Variants in RAB14 observed in about 807,000 individuals in gnomAD.
The protein encoded by RAB14 is RAB14, member RAS oncogene family, also known as ras-related protein Rab-14.
Under a neutral mutation model 31.1 loss-of-function variants are expected in RAB14, and 3 were observed. The observed-to-expected ratio is 0.10, with a 90% confidence interval of 0.04 to 0.25. RAB14 has a LOEUF of 0.25. Ranked by LOEUF, RAB14 falls within the 10% of genes least tolerant of loss-of-function variation. The pLI is 1.00. For synonymous variants in RAB14, 85 were observed against 84.9 expected (o/e 1.00, Z 0.00); for missense variants, 111 against 260.1 (o/e 0.43, Z 3.94).
chr9:121,192,335 A>G (rs1207783982), intron 2 of RAB14, 111 bp from the exon 3 acceptor site: 4 of 674,276 alleles, frequency 5.9e-6, no homozygotes, highest in Non-Finnish European at 9.3e-6. Flanking sequence ...ACACTTAACA[A>G]ATTTTTATTT....
chr9:121,192,285 G>A (rs1055773728), intron 2 of RAB14, 61 bp from the exon 3 acceptor site: 17 of 1,266,316 alleles, frequency 1.3e-5, no homozygotes, highest in East Asian at 2.4e-5. Flanking sequence ...TGCAATGATC[G>A]CTATATTCCT....
At chr9:121,192,677 T>G (rs890644095) in intron 2 of RAB14, among the ~76,000 whole-genome samples, 1 of 152,122 alleles carries the variant, frequency 6.6e-6, no homozygotes, top group Non-Finnish European at 1.5e-5. Context: ...CTTCTTGTAT[T>G]ATTCTATGAA....
intron 1 of RAB14, among the ~76,000 whole-genome samples, chr9:121,198,599 G>GT (rs1456860139): frequency 3.3e-5 from 5 of 152,038 alleles, no homozygotes; most frequent in African/African-American, 9.7e-5. Flanking sequence ...TTTTTTGTTT[G>GT]TTTTTTAACA....
At chr9:121,197,075 T>C (rs966728359) in intron 1 of RAB14, among the ~76,000 whole-genome samples, 2 of 152,150 alleles carry the variant, frequency 1.3e-5, no homozygotes, top group African/African-American at 2.4e-5. Context: ...TCTAAGGTAT[T>C]ATTAGCTTAT....
intron 5 of RAB14, 74 bp from the exon 6 acceptor site, chr9:121,183,472 C>T: frequency 5.0e-6 from 6 of 1,194,716 alleles, no homozygotes; most frequent in Non-Finnish European, 7.2e-6. Flanking sequence ...ATTCTGAAAT[C>T]CAAAAATCTT....
Position 121,180,270 on chromosome 9 carries a change from T to A in RAB14, c.*1126A>T, listed in dbSNP as rs1299103951. On this transcript the variant is annotated 3_prime_UTR_variant, in exon 8 of 8. Transcript: ENST00000373840. ...GACTGTCCAGTTCAGAATCTGACCA[T>A]TCCAAGAAGATAAAGGTATAAAAGC... The A allele has an allele frequency of 6.6e-6, 1 of 152,650 alleles. No homozygotes were observed. The highest frequency in any genetic ancestry group is 1.5e-5 in the Non-Finnish European group (1 of 68,036). The allele number at this position is 152,650 out of a possible 1,614,324, so 9.5% of individuals were successfully genotyped here.
chr9:121,198,059 ATAT>A (rs2053728515), intron 1 of RAB14, among the ~76,000 whole-genome samples: 1 of 152,018 alleles, frequency 6.6e-6, no homozygotes, highest in African/African-American at 2.4e-5. Flanking sequence ...CCCTATATTC[ATAT>A]AATATGGAAT....
intron 7 of RAB14, among the ~76,000 whole-genome samples, 171 bp from the exon 8 acceptor site, chr9:121,181,744 C>CTTTTTTT (rs3838268): frequency 4.9e-5 from 5 of 102,900 alleles, no homozygotes; most frequent in Admixed American, 1.4e-4. Flanking sequence ...AACTATTTTC[C>CTTTTTTT]TTTTTTTTTT....
At chr9:121,182,840 G>A (rs1426114712) in intron 7 of RAB14, 90 bp downstream of exon 7, 9 of 994,150 alleles carry the variant, frequency 9.1e-6, no homozygotes, top group Middle Eastern at 3.3e-4. Flanking sequence ...TACTTTATAT[G>A]TGTATATACA....
intron 1 of RAB14, among the ~76,000 whole-genome samples, chr9:121,201,157 C>T (rs1261500274): frequency 6.6e-6 from 1 of 152,176 alleles, no homozygotes; most frequent in Non-Finnish European, 1.5e-5. Flanking sequence ...GAAGAGCTGC[C>T]TTTGTACTCA....
intron 4 of RAB14, among the ~76,000 whole-genome samples, chr9:121,189,239 ATGACT>A (rs966052956): frequency 1.3e-5 from 2 of 152,012 alleles, no homozygotes; most frequent in Non-Finnish European, 2.9e-5. Context: ...ACTTTTTTTG[ATGACT>A]TGAATAGACA....
chr9:121,182,753 T>C (rs1328080560), intron 7 of RAB14, among the ~76,000 whole-genome samples, 177 bp downstream of exon 7: 1 of 152,264 alleles, frequency 6.6e-6, no homozygotes, highest in African/African-American at 2.4e-5. Flanking sequence ...AAATTCATAT[T>C]ATTTTGAAAT....
chr9:121,181,360 T>G lies in RAB14; in HGVS notation c.*36A>C. The G allele has an allele frequency of 6.6e-7, 1 of 1,524,814 alleles. No individual in the cohort carries two copies. The highest frequency in any genetic ancestry group is 2.3e-5 in the East Asian group (1 of 43,352). 94.5% of individuals were successfully genotyped at this position (1,524,814 alleles called of 1,614,324 possible). On this transcript the variant is annotated 3_prime_UTR_variant, in exon 8 of 8. Transcript: ENST00000373840. ...AAGTACTGCTTCCAACAGACAGAGG[T>G]GAAAGGTCAAATGAGGGGCCACAGC...
chr9:121,193,970 T>C (rs964732273), intron 1 of RAB14, among the ~76,000 whole-genome samples: 16 of 152,162 alleles, frequency 1.1e-4, no homozygotes, highest in African/African-American at 3.6e-4. Context: ...AATCGTATGA[T>C]TTCCAAATCA....
Position 121,188,091 on chromosome 9 carries a change from ACAT to A in RAB14, c.285-1075_285-1073del, listed in dbSNP as rs1289743824. On this transcript the variant is annotated intron_variant, in intron 4 of 7. Transcript: ENST00000373840. ...TCCTTAGTCAGACTTTTATTGTGTT[ACAT>A]CATATTATTCATAAATCACCACTTA... 5.3e-5 allele frequency among the ~76,000 whole-genome samples: 8 copies of A among 152,002 alleles called. No homozygotes were observed. The South Asian group carries it at 1.2e-3, about 24-fold the overall frequency.
chr9:121,194,094 TCA>T (rs56303323), intron 1 of RAB14, among the ~76,000 whole-genome samples: 7,887 of 138,912 alleles, frequency 0.057, 257 homozygotes, highest in Admixed American at 0.09. Flanking sequence ...AGATTATCAC[TCA>T]CACACACACA....
intron 5 of RAB14, among the ~76,000 whole-genome samples, chr9:121,184,469 G>A (rs186840647): frequency 3.3e-4 from 51 of 152,264 alleles, no homozygotes; most frequent in African/African-American, 1.2e-3. Context: ...GTACATTTAT[G>A]AGCTTATTTG....
At position 121,181,581 on chromosome 9, in the gene RAB14, G is replaced by A. The variant is rs1218431169; in HGVS notation, c.471-8C>T. 1.9e-6 allele frequency: 3 copies of A among 1,596,670 alleles called. No homozygotes were observed. The highest frequency in any genetic ancestry group is 1.7e-6 in the Non-Finnish European group (2 of 1,166,398). ...TCTTCTACATTCTCTCCCCTAAGAG[G>A]CAATTGATAACTTTATTGGAGAACC... On this transcript the variant is annotated splice_region_variant and splice_polypyrimidine_tract_variant and intron_variant, in intron 7 of 7. Transcript: ENST00000373840.
chr9:121,196,485 C>T (rs1271076723), intron 1 of RAB14, among the ~76,000 whole-genome samples: 1 of 152,136 alleles, frequency 6.6e-6, no homozygotes, highest in African/African-American at 2.4e-5. Flanking sequence ...TTACTACTAT[C>T]CTATAACATA....
Sources: allele counts gnomAD v4.1 joint callset (sites outside exome capture counted in the v4.1 genomes callset), GRCh38; gene constraint gnomAD v4.1.1; transcripts MANE v1.5; gene names NCBI Gene and HGNC (gene_info 2026-07-23, HGNC 2026-07-21).